The following CACNA1B variants were observed in gnomAD, a reference collection of about 807,000 sequenced individuals.
CACNA1B encodes the protein voltage-dependent N-type calcium channel subunit alpha-1B.
Under a neutral mutation model 247.2 loss-of-function variants are expected in CACNA1B, and 70 were observed. That is an observed-to-expected ratio of 0.28 (90% confidence interval 0.23 to 0.35). CACNA1B has a LOEUF of 0.35. CACNA1B is among the 10% of genes least tolerant of loss of function. CACNA1B has a pLI of 1.00. For missense variants in CACNA1B, 2,367 were observed against 3,197.4 expected, an observed-to-expected ratio of 0.74 and a Z score of 6.26; for synonymous variants, 1,231 against 1,294.4, an observed-to-expected ratio of 0.95 and a Z score of 1.05.
intron 39 of CACNA1B, among the ~76,000 whole-genome samples, chr9:138,109,726 T>G (rs981488598): frequency 2.6e-5 from 4 of 152,140 alleles, no homozygotes; most frequent in African/African-American, 7.2e-5. Context: ...AAAAATAACT[T>G]GAAATGGATT....
rs964223816 is a variant in CACNA1B at position 138,020,666 on chromosome 9, C to T, written c.2268-2345C>T. Among the ~76,000 whole-genome samples the T allele has an allele frequency of 3.3e-5, 5 of 152,018 alleles. No individual in the cohort carries two copies. Among genetic ancestry groups the T allele is most frequent in the Admixed American group, 1.3e-4 (2 of 15,256 alleles). On this transcript the variant is annotated intron_variant, in intron 18 of 46. Transcript: ENST00000371372. The surrounding 1 kb of genome is among the most constrained non-coding windows in gnomAD (Gnocchi z 4.1). ...AGGCCAGGTGGAACCAGTGGGGCTG[C>T]GGGGGGCGGGCAGGTGCCCTAGCGT...
chr9:137,952,214 C>CT lies in CACNA1B; in HGVS notation c.967-60_967-59insT. 1 of 1,376,206 alleles carries CT rather than the reference C, an allele frequency of 7.3e-7. No homozygotes were observed. The highest frequency in any genetic ancestry group is 1.0e-6 in the Non-Finnish European group (1 of 965,816). The allele number at this position is 1,376,206 out of a possible 1,614,324, so 85.2% of individuals were successfully genotyped here. A position where few individuals can be genotyped will look rare whatever the true frequency, so the allele number is the denominator to read the frequency against. On this transcript the variant is annotated intron_variant, in intron 6 of 46. Transcript: ENST00000371372. This position sits in a 1 kb window ranked among gnomAD's most constrained non-coding sequence, Gnocchi z 4.8. ...AGGCCTGTTGGGGGCTGGGGGTGCT[C>CT]CTGTGGCCGGGACTGTGTTTTGTCC...
At chr9:138,060,167 C>G (rs1039473344) in intron 31 of CACNA1B, among the ~76,000 whole-genome samples, 1 of 152,098 alleles carries the variant, frequency 6.6e-6, no homozygotes, top group Non-Finnish European at 1.5e-5. Context: ...TCATTCTTAC[C>G]AAACATATGT....
rs535356208 is a variant in CACNA1B, at chr9:138,073,713, T to C, written c.4791+109T>C. On this transcript the variant is annotated intron_variant, in intron 33 of 46. Transcript: ENST00000371372. The surrounding 1 kb of genome is among the most constrained non-coding windows in gnomAD (Gnocchi z 6.4). The stretch of plus-strand genomic sequence containing the variant: ...TGGGAGGCTGGGAGAGGGTATGGCA[T>C]GCAGGTTTCGTGGTTGTATGCATTG... 9.6e-6 allele frequency: 7 copies of C among 727,708 alleles called. No individual in the cohort carries two copies. In the South Asian group the frequency reaches 1.1e-4, roughly 11 times the overall value. 45.1% of individuals were successfully genotyped at this position (727,708 alleles called of 1,614,324 possible).
Position 138,013,137 on chromosome 9 carries a change from G to A in CACNA1B, c.2169G>A (p.Glu723=). The change falls in exon 18 of 47, where the codon GAG becomes GAA. Residue 723 remains glutamate, a synonymous_variant. Coordinates refer to ENST00000371372, the MANE Select transcript of CACNA1B (RefSeq NM_000718.4). ...TCTCTTTGCTCAAACAGGATGAAGA[G>A]GAGATGGAAGAAGCAGCCAATCAGA... ...ANAQELTKDE[E]EMEEAANQKL... is the part of the protein sequence containing the mutation. The A allele has an allele frequency of 6.2e-7, 1 of 1,613,074 alleles. No homozygotes were observed. The highest frequency in any genetic ancestry group is 8.5e-7 in the Non-Finnish European group (1 of 1,179,166).
intron 39 of CACNA1B, among the ~76,000 whole-genome samples, chr9:138,111,694 G>A (rs1465294536): frequency 6.6e-6 from 1 of 152,212 alleles, no homozygotes; most frequent in African/African-American, 2.4e-5. Flanking sequence ...TTATTCCTCT[G>A]CTCAAAACCC....
rs751721977 is a variant in CACNA1B, at chr9:138,025,197, G to C, written c.3286+25G>C. On this transcript the variant is annotated intron_variant, in intron 20 of 46. Coordinates refer to ENST00000371372, the MANE Select transcript of CACNA1B (RefSeq NM_000718.4). Reference sequence around the variant, plus strand: ...AGTGAGTATCTCCCTGTGCCAGTGGGGCAGGGCCCATCTTGTGCAGGTCCA... The same window carrying C: ...AGTGAGTATCTCCCTGTGCCAGTGGCGCAGGGCCCATCTTGTGCAGGTCCA... The C allele has an allele frequency of 8.8e-5, 133 of 1,514,912 alleles. No homozygotes were observed. In the Admixed American group the frequency reaches 2.3e-3, roughly 26 times the overall value. 93.8% of individuals were successfully genotyped at this position (1,514,912 alleles called of 1,614,324 possible).
chr9:137,909,224 A>C (rs964561420), intron 3 of CACNA1B, among the ~76,000 whole-genome samples: 1 of 151,874 alleles, frequency 6.6e-6, no homozygotes, highest in East Asian at 1.9e-4. Context: ...TCCTGACCTT[A>C]GGTGATCCAC....
intron 15 of CACNA1B, among the ~76,000 whole-genome samples, chr9:138,000,223 C>CA (rs1958552403): frequency 1.3e-5 from 2 of 151,640 alleles, no homozygotes; most frequent in Admixed American, 1.3e-4. Context: ...CTCAGCCTCC[C>CA]GAGTGGCTGG....
chr9:138,042,525 C>A (rs1405706780), intron 20 of CACNA1B, among the ~76,000 whole-genome samples: 1 of 151,930 alleles, frequency 6.6e-6, no homozygotes. Flanking sequence ...TGCTTCATTT[C>A]CTTAGTAGGT....
In CACNA1B at chr9:137,943,726, C is replaced by T. The variant is rs377095330; in HGVS notation, c.967-8548C>T. 6.6e-5 allele frequency among the ~76,000 whole-genome samples: 10 copies of T among 152,212 alleles called. No homozygotes were observed. The South Asian group carries it at 1.0e-3, about 16-fold the overall frequency. On this transcript the variant is annotated intron_variant, in intron 6 of 46. Coordinates refer to ENST00000371372, the MANE Select transcript of CACNA1B (RefSeq NM_000718.4). ...CGTATTTATTAGGCAAAAGAGATAG[C>T]GAGAAGAGGAGGGGGTGGTTGTCAG...
chr9:137,993,704 A>T (rs907244610), intron 15 of CACNA1B, among the ~76,000 whole-genome samples: 2 of 152,170 alleles, frequency 1.3e-5, no homozygotes, highest in African/African-American at 4.8e-5. Flanking sequence ...AAATGGTAAT[A>T]AAAAAATTAC....
chr9:138,076,830 G>A (rs531762562), intron 35 of CACNA1B, among the ~76,000 whole-genome samples: 42 of 152,344 alleles, frequency 2.8e-4, no homozygotes, highest in African/African-American at 9.4e-4. Context: ...GCAGATGCGC[G>A]CTGGGGCGAG....
At chr9:137,940,561 C>T (rs969680426) in intron 6 of CACNA1B, among the ~76,000 whole-genome samples, 2 of 152,158 alleles carry the variant, frequency 1.3e-5, no homozygotes, top group Non-Finnish European at 2.9e-5. Context: ...CTCCCTAAAT[C>T]GTTTTATGAA....
chr9:137,959,686 G>A (rs1957988458), intron 10 of CACNA1B, among the ~76,000 whole-genome samples: 1 of 152,178 alleles, frequency 6.6e-6, no homozygotes, highest in South Asian at 2.1e-4. Flanking sequence ...CTGTGCACCG[G>A]CTCTCTGGCG....
intron 6 of CACNA1B, among the ~76,000 whole-genome samples, chr9:137,936,848 T>C (rs1302329081): frequency 6.6e-6 from 1 of 152,256 alleles, no homozygotes; most frequent in East Asian, 1.9e-4. Context: ...TATCTCTGTT[T>C]TGGTACCAGT....
chr9:138,088,481 A>G (rs1960774209), intron 36 of CACNA1B, among the ~76,000 whole-genome samples: 1 of 152,194 alleles, frequency 6.6e-6, no homozygotes, highest in African/African-American at 2.4e-5. Context: ...ATTACAACTA[A>G]TATCATAGAA....
rs543459326 is a variant in CACNA1B at position 138,090,852 on chromosome 9, C to G, written c.5095-5632C>G. 2.9e-4 allele frequency among the ~76,000 whole-genome samples: 44 copies of G among 151,122 alleles called. 2 individuals are homozygous for G. The highest frequency in any genetic ancestry group is 6.9e-3 in the Middle Eastern group (2 of 288). On this transcript the variant is annotated intron_variant, in intron 36 of 46. Transcript: ENST00000371372. The stretch of plus-strand genomic sequence containing the variant: ...CTCTAATCATCAGGGAAATGCAAAT[C>G]AAAACCACAGTGAGATACCATCTCA...
chr9:138,029,635 G>A (rs1455692690), intron 20 of CACNA1B, among the ~76,000 whole-genome samples: 2 of 148,066 alleles, frequency 1.4e-5, no homozygotes, highest in African/African-American at 5.0e-5. Flanking sequence ...TTTCCAGACA[G>A]GGTCTCGCTC....
Sources: gnomAD v4.1 joint callset for allele counts (sites outside exome capture counted in the v4.1 genomes callset) on GRCh38, gnomAD v4.1.1 for gene constraint, Gnocchi (gnomAD v3.1) non-coding constraint, MANE v1.5 for transcripts, NCBI Gene and HGNC (gene_info 2026-07-23, HGNC 2026-07-21) for gene names.